Variants in GABRA5 observed in about 807,000 individuals in gnomAD.
GABRA5 encodes gamma-aminobutyric acid receptor subunit alpha-5.
Under a neutral mutation model 47.3 loss-of-function variants are expected in GABRA5, and 18 were observed. That is an observed-to-expected ratio of 0.38 (90% CI 0.26 to 0.56). The LOEUF is 0.56. Ranked by LOEUF, GABRA5 falls within the 20% of genes least tolerant of loss-of-function variation. The probability of loss-of-function intolerance (pLI) is 0.71; values close to 1 mark genes in which losing one functional copy is unlikely to be tolerated. For synonymous variants in GABRA5, 237 were observed against 229.3 expected (o/e 1.03, Z -0.30); for missense variants, 365 against 599.3 (o/e 0.61, Z 4.08).
intron 3 of GABRA5, chr15:26,880,394 A>C (rs1292804376): frequency 6.5e-6 from 1 of 153,418 alleles, no homozygotes. Flanking sequence ...TGGGAACAAC[A>C]ACCTCGGAAA....
chr15:26,902,914 GT>G (rs1259357903), intron 6 of GABRA5, among the ~76,000 whole-genome samples: 1 of 152,014 alleles, frequency 6.6e-6, no homozygotes, highest in African/African-American at 2.4e-5. Context: ...GATTTTTCTT[GT>G]TTAGCCTGTT....
At chr15:26,871,440 A>G (rs1302572767) in intron 3 of GABRA5, among the ~76,000 whole-genome samples, 1 of 152,186 alleles carries the variant, frequency 6.6e-6, no homozygotes, top group African/African-American at 2.4e-5. Flanking sequence ...AACACTGAGT[A>G]AGTGGTAAAA....
intron 6 of GABRA5, among the ~76,000 whole-genome samples, chr15:26,909,314 C>G (rs1893522481): frequency 6.6e-6 from 1 of 152,172 alleles, no homozygotes; most frequent in Admixed American, 6.5e-5. Flanking sequence ...CCAGATAACC[C>G]AGGAAAACCT....
In GABRA5 at chr15:26,948,262, C is replaced by T. The variant is rs201720861; in HGVS notation, c.*29C>T. ...GCCACACTCCCAAACTCCAAGACAG[C>T]CATACTTCCAGCGAAATGGTACCAA... On this transcript the variant is annotated 3_prime_UTR_variant, in exon 11 of 11. Transcript: ENST00000335625. 1 of 1,597,038 alleles carries T rather than the reference C, an allele frequency of 6.3e-7. No homozygotes were observed.
chr15:26,935,717 G>A (rs569313219), intron 7 of GABRA5, among the ~76,000 whole-genome samples: 7 of 152,306 alleles, frequency 4.6e-5, no homozygotes, highest in Admixed American at 3.3e-4. Flanking sequence ...TTTGCAGGAG[G>A]CCTCTCCACC....
rs922465713 is a variant in GABRA5 at position 26,893,833 on chromosome 15, T to A, written c.497+10276T>A. ...GAGAGGCTGGGCCAGGGGACCCGCG[T>A]GGGCAGCAGCATGGACCGGGGCGTC... On this transcript the variant is annotated intron_variant, in intron 6 of 10. Coordinates refer to ENST00000335625, the MANE Select transcript of GABRA5 (RefSeq NM_000810.4). Among the ~76,000 whole-genome samples, 64 of 151,978 alleles carry A rather than the reference T, an allele frequency of 4.2e-4. 4 individuals carry two copies. The highest frequency in any genetic ancestry group is 4.2e-3 in the Admixed American group (64 of 15,278).
intron 7 of GABRA5, among the ~76,000 whole-genome samples, chr15:26,916,072 C>T (rs1316856744): frequency 6.6e-6 from 1 of 152,062 alleles, no homozygotes; most frequent in East Asian, 1.9e-4. Flanking sequence ...ATTAATATTG[C>T]CACACCAGTT....
At chr15:26,931,480 C>G (rs12443222) in intron 7 of GABRA5, among the ~76,000 whole-genome samples, 42,186 of 151,964 alleles carry the variant, frequency 0.28, 6,521 homozygotes, top group East Asian at 0.67. Context: ...GCTCTTACAA[C>G]CAATCCCATT....
At chr15:26,937,921 G>A (rs559239666) in intron 8 of GABRA5, among the ~76,000 whole-genome samples, 9 of 152,354 alleles carry the variant, frequency 5.9e-5, no homozygotes, top group African/African-American at 2.2e-4. Context: ...ATGTCTCCAG[G>A]ACAGGAAGGC....
rs148718988 is a variant in GABRA5 at position 26,873,144 on chromosome 15, C to A, written c.86+3810C>A. On this transcript the variant is annotated intron_variant, in intron 3 of 10. Transcript: ENST00000335625. Reference sequence around the variant, plus strand: ...AGTACTATATTTATTTTAGTAAGACCAGTAAACAAAAGTACATAGTATAGA... The same window carrying A: ...AGTACTATATTTATTTTAGTAAGACAAGTAAACAAAAGTACATAGTATAGA... Among the ~76,000 whole-genome samples the A allele has an allele frequency of 9.7e-4, 147 of 152,174 alleles. 2 individuals are homozygous for A. The East Asian group carries it at 0.026, about 27-fold the overall frequency.
chr15:26,892,404 A>G (rs150887796), intron 6 of GABRA5, among the ~76,000 whole-genome samples: 128,692 of 152,062 alleles, frequency 0.85, 54,820 homozygotes, highest in Non-Finnish European at 0.9. Context: ...TCCGGGCCCT[A>G]CCCAGCCCGC....
chr15:26,898,860 C>T (rs966150515), intron 6 of GABRA5, among the ~76,000 whole-genome samples: 2 of 151,876 alleles, frequency 1.3e-5, no homozygotes, highest in African/African-American at 4.8e-5. Context: ...TTTTGCTAGT[C>T]CCATAAGTAT....
At position 26,912,125 on chromosome 15, in the gene GABRA5, C is replaced by A. The variant is rs368699109; in HGVS notation, c.498-2678C>A. ...TGTTACAGCCAAGGCCACAGGCGATCGCAAAGCATGCCTCTCCTGATCAGA... is the reference window on the plus strand; with the variant it reads ...TGTTACAGCCAAGGCCACAGGCGATAGCAAAGCATGCCTCTCCTGATCAGA... On this transcript the variant is annotated intron_variant, in intron 6 of 10. Transcript: ENST00000335625. Among the ~76,000 whole-genome samples, 16 of 152,278 alleles carry A rather than the reference C, an allele frequency of 1.1e-4. No homozygotes were observed. In the East Asian group the frequency reaches 1.4e-3, roughly 13 times the overall value.
At chr15:26,905,137 T>C (rs1277320473) in intron 6 of GABRA5, among the ~76,000 whole-genome samples, 1 of 152,168 alleles carries the variant, frequency 6.6e-6, no homozygotes, top group Non-Finnish European at 1.5e-5. Context: ...GTTCCTTCAG[T>C]ACATAGTTTG....
intron 4 of GABRA5, among the ~76,000 whole-genome samples, chr15:26,882,414 C>G (rs1407715330): frequency 2.0e-5 from 3 of 152,182 alleles, no homozygotes; most frequent in African/African-American, 7.2e-5. Context: ...GGCAGGCCCA[C>G]AGTGCGGCTG....
At position 26,923,460 on chromosome 15, in the gene GABRA5, AT is replaced by A. The variant is rs36090735; in HGVS notation, c.580+8583del. On this transcript the variant is annotated intron_variant, in intron 7 of 10. Transcript: ENST00000335625. ...TTCTGATGAGAAATCTGTCTTTCAA[AT>A]TTTTTTTCTTTATAGGTAAGGTCTC... is the stretch of plus-strand genomic sequence containing the variant. Among the ~76,000 whole-genome samples the A allele has an allele frequency of 7.6e-3, 1,155 of 151,450 alleles. 15 individuals are homozygous for A. The highest frequency in any genetic ancestry group is 0.027 in the African/African-American group (1,097 of 41,300).
chr15:26,894,109 C>T (rs1893113882), intron 6 of GABRA5, among the ~76,000 whole-genome samples: 1 of 146,496 alleles, frequency 6.8e-6, no homozygotes, highest in African/African-American at 2.5e-5. Context: ...GGCTGGAGCG[C>T]AGCGGCCCGG....
At chr15:26,877,130 A>G (rs1892618818) in intron 3 of GABRA5, among the ~76,000 whole-genome samples, 2 of 152,172 alleles carry the variant, frequency 1.3e-5, no homozygotes, top group African/African-American at 4.8e-5. Flanking sequence ...AATATCGGAG[A>G]GTTCTAGCAT....
intron 7 of GABRA5, among the ~76,000 whole-genome samples, chr15:26,927,647 GT>G (rs1190322870): frequency 2.0e-5 from 3 of 152,122 alleles, no homozygotes; most frequent in Non-Finnish European, 4.4e-5. Context: ...ATTCAACAAA[GT>G]TTTTTTCTTA....
Sources: gnomAD v4.1 joint callset for allele counts (sites outside exome capture counted in the v4.1 genomes callset) on GRCh38, gnomAD v4.1.1 for gene constraint, MANE v1.5 for transcripts, NCBI Gene and HGNC (gene_info 2026-07-23, HGNC 2026-07-21) for gene names.